Variants in TCF7L1 observed in about 807,000 individuals in gnomAD.
TCF7L1 encodes transcription factor 7-like 1.
A neutral mutation model predicts 63.7 loss-of-function variants in TCF7L1; 18 were observed. That is an observed-to-expected ratio of 0.28 (90% confidence interval 0.20 to 0.42). The LOEUF (loss-of-function observed/expected upper bound fraction) is 0.42, where lower values mean the gene tolerates loss of function less well. Among genes scored for constraint, TCF7L1 ranks in the 10% least tolerant of loss-of-function variants. The pLI is 1.00. For missense variants in TCF7L1, 654 were observed against 779.3 expected (o/e 0.84, Z 1.91); for synonymous variants, 355 against 340.9 (o/e 1.04, Z -0.46).
At chr2:85,295,351 G>C (rs1476142661) in intron 4 of TCF7L1, among the ~76,000 whole-genome samples, 1 of 151,874 alleles carries the variant, frequency 6.6e-6, no homozygotes, top group African/African-American at 2.4e-5. Context: ...ACAGGCATGT[G>C]CCCGCATGCC....
chr2:85,147,878 T>G (rs2568217), intron 3 of TCF7L1, among the ~76,000 whole-genome samples: 1 of 151,884 alleles, frequency 6.6e-6, no homozygotes, highest in Admixed American at 6.6e-5. Flanking sequence ...GGCTTACATC[T>G]GGATAAACCC....
intron 4 of TCF7L1, among the ~76,000 whole-genome samples, chr2:85,285,067 A>C (rs936368419): frequency 6.6e-6 from 1 of 152,098 alleles, no homozygotes; most frequent in Non-Finnish European, 1.5e-5. Flanking sequence ...CACCGTCTCT[A>C]CTAAAAATAC....
chr2:85,229,174 G>GTC (rs1680020653), intron 3 of TCF7L1, among the ~76,000 whole-genome samples: 1 of 151,934 alleles, frequency 6.6e-6, no homozygotes, highest in Non-Finnish European at 1.5e-5. Flanking sequence ...GTGAAACCCT[G>GTC]TCTCTACTGA....
At chr2:85,225,162 A>G (rs1302940557) in intron 3 of TCF7L1, among the ~76,000 whole-genome samples, 5 of 152,232 alleles carry the variant, frequency 3.3e-5, no homozygotes, top group African/African-American at 4.8e-5. Flanking sequence ...TACCAGTACC[A>G]TGCTGTTTTG....
chr2:85,255,356 C>T (rs1304461319), intron 3 of TCF7L1, among the ~76,000 whole-genome samples: 1 of 152,138 alleles, frequency 6.6e-6, no homozygotes, highest in South Asian at 2.1e-4. Context: ...CAGCTGTCTC[C>T]CCATTCCCTC....
At position 85,159,323 on chromosome 2, in the gene TCF7L1, C is replaced by T. The variant is rs146633945; in HGVS notation, c.441+24873C>T. Among the ~76,000 whole-genome samples the T allele has an allele frequency of 1.8e-3, 271 of 152,238 alleles. 3 individuals are homozygous for T. The highest frequency in any genetic ancestry group is 6.3e-3 in the African/African-American group (260 of 41,546). On this transcript the variant is annotated intron_variant, in intron 3 of 11. Transcript: ENST00000282111. ...GGCTCCCTGGGCAGACCATTCACTT[C>T]GGGAACCTGGTCTCCTGCTCAGCCT...
intron 3 of TCF7L1, among the ~76,000 whole-genome samples, chr2:85,145,911 A>G (rs1002228943): frequency 1.6e-4 from 25 of 151,984 alleles, no homozygotes; most frequent in African/African-American, 5.8e-4. Context: ...GGGTCTCACT[A>G]TGTTGCCCAG....
intron 3 of TCF7L1, among the ~76,000 whole-genome samples, chr2:85,179,670 C>T (rs1302143375): frequency 3.9e-5 from 6 of 152,158 alleles, no homozygotes; most frequent in African/African-American, 1.4e-4. Flanking sequence ...CTGAAACCCT[C>T]CGTTACCTGC....
chr2:85,303,307 G>A (rs1305264906), intron 5 of TCF7L1: 1 of 151,058 alleles, frequency 6.6e-6, no homozygotes, highest in East Asian at 1.9e-4. Flanking sequence ...GATTACCGGT[G>A]TGCCACCATG....
chr2:85,200,314 C>T (rs963122142), intron 3 of TCF7L1, among the ~76,000 whole-genome samples: 4 of 152,066 alleles, frequency 2.6e-5, no homozygotes, highest in Non-Finnish European at 5.9e-5. Flanking sequence ...CTCATGCAGT[C>T]GAAAATCCAT....
chr2:85,171,296 C>G (rs1048817396), intron 3 of TCF7L1, among the ~76,000 whole-genome samples: 1 of 152,164 alleles, frequency 6.6e-6, no homozygotes, highest in Non-Finnish European at 1.5e-5. Context: ...AGCTACAATT[C>G]GAGATTTAGG....
chr2:85,280,989 G>A (rs1175237680), intron 3 of TCF7L1, among the ~76,000 whole-genome samples: 1 of 151,440 alleles, frequency 6.6e-6, no homozygotes, highest in Non-Finnish European at 1.5e-5. Flanking sequence ...AGTTGGGGAA[G>A]CGTTTAGCCT....
At chr2:85,209,028 C>T (rs541704756) in intron 3 of TCF7L1, among the ~76,000 whole-genome samples, 3 of 152,274 alleles carry the variant, frequency 2.0e-5, no homozygotes, top group South Asian at 4.1e-4. Context: ...ATCTGAAAGG[C>T]GCCACATTAA....
chr2:85,238,012 C>T (rs115715784), intron 3 of TCF7L1, among the ~76,000 whole-genome samples: 2,721 of 152,212 alleles, frequency 0.018, 90 homozygotes, highest in African/African-American at 0.062. Context: ...AGGAGGCTTC[C>T]GCCCTGGGCC....
chr2:85,259,671 T>C (rs991196318), intron 3 of TCF7L1, among the ~76,000 whole-genome samples: 1 of 152,226 alleles, frequency 6.6e-6, no homozygotes, highest in African/African-American at 2.4e-5. Flanking sequence ...CTTTTTTCCT[T>C]GGAGAATAAT....
At chr2:85,221,238 A>G (rs1054030055) in intron 3 of TCF7L1, among the ~76,000 whole-genome samples, 4 of 152,194 alleles carry the variant, frequency 2.6e-5, no homozygotes, top group African/African-American at 9.6e-5. Context: ...GAGCTGAGTC[A>G]TTATTTTCAA....
At chr2:85,257,497 C>T (rs1680745173) in intron 3 of TCF7L1, among the ~76,000 whole-genome samples, 1 of 152,184 alleles carries the variant, frequency 6.6e-6, no homozygotes, top group South Asian at 2.1e-4. Context: ...CTTCCCCACC[C>T]AAGTTTGCCA....
At chr2:85,155,742 C>G (rs1395048730) in intron 3 of TCF7L1, among the ~76,000 whole-genome samples, 2 of 152,144 alleles carry the variant, frequency 1.3e-5, no homozygotes, top group African/African-American at 2.4e-5. Context: ...CACAGAGAAT[C>G]AGCCAGGATT....
intron 3 of TCF7L1, among the ~76,000 whole-genome samples, chr2:85,143,039 T>C (rs1677782418): frequency 6.6e-6 from 1 of 152,250 alleles, no homozygotes; most frequent in Non-Finnish European, 1.5e-5. Flanking sequence ...AAAAATGTTT[T>C]CCTAAACATA....
Sources: gnomAD v4.1 joint callset for allele counts (sites outside exome capture counted in the v4.1 genomes callset) on GRCh38, gnomAD v4.1.1 for gene constraint, MANE v1.5 for transcripts, NCBI Gene and HGNC (gene_info 2026-07-23, HGNC 2026-07-21) for gene names.